MRS2: variants seen among roughly 807,000 people sequenced by gnomAD.
The protein encoded by MRS2 is magnesium transporter MRS2 homolog, mitochondrial.
Under a neutral mutation model 52.6 loss-of-function variants are expected in MRS2, and 40 were observed. The ratio of observed to expected loss-of-function variants is 0.76; its 90% CI spans 0.59 to 0.99. The LOEUF is 0.99. Ranked by LOEUF, MRS2 falls within the 50% of genes least tolerant of loss-of-function variation. The probability of loss-of-function intolerance (pLI) is 0.00; values close to 1 mark genes in which losing one functional copy is unlikely to be tolerated. For missense variants in MRS2, 472 were observed against 532.7 expected, an observed-to-expected ratio of 0.89 and a Z score of 1.12; for synonymous variants, 193 against 195.9, an observed-to-expected ratio of 0.98 and a Z score of 0.13.
At chr6:24,412,009 CTTGA>C (rs1189947275) in intron 4 of MRS2, among the ~76,000 whole-genome samples, 1 of 149,496 alleles carries the variant, frequency 6.7e-6, no homozygotes, top group Non-Finnish European at 1.5e-5. Flanking sequence ...AAAAAAAAAC[CTTGA>C]TTTTTTTGAA....
chr6:24,416,523 T>A lies in MRS2; in HGVS notation c.836+10T>A, dbSNP rs755039996. ...GTGACCCACAAGTCTTGTAAGTATA[T>A]AATTATACTTTGTTATTTATTTCCT... On this transcript the variant is annotated intron_variant, in intron 7 of 10. Transcript: ENST00000378386. 3 of 1,243,214 alleles carry A rather than the reference T, an allele frequency of 2.4e-6. No individual in the cohort carries two copies. The highest frequency in any genetic ancestry group is 3.8e-5 in the Admixed American group (2 of 52,014). The allele number at this position is 1,243,214 out of a possible 1,614,324, so 77.0% of individuals were successfully genotyped here.
In MRS2 at chr6:24,424,640, T is replaced by TCCTA. The variant is rs1357247087; in HGVS notation, c.*954_*957dup. 1 of 152,202 alleles carries TCCTA rather than the reference T, an allele frequency of 6.6e-6. No individual in the cohort carries two copies. Among genetic ancestry groups the TCCTA allele is most frequent in the Non-Finnish European group, 1.5e-5 (1 of 68,032 alleles). 9.4% of individuals were successfully genotyped at this position (152,202 alleles called of 1,614,324 possible). A position where few individuals can be genotyped will look rare whatever the true frequency, so the allele number is the denominator to read the frequency against. On this transcript the variant is annotated 3_prime_UTR_variant, in exon 11 of 11. Transcript: ENST00000378386. ...CTGAAAGCTGCCATCCTCTTTAACA[T>TCCTA]CCTACCTACCTTTTAAAATATTTTC...
At chr6:24,405,334 T>A (rs1265800566) in intron 2 of MRS2, 93 bp downstream of exon 2, 9 of 920,890 alleles carry the variant, frequency 9.8e-6, no homozygotes, top group Non-Finnish European at 1.6e-5. Flanking sequence ...CTACTTATTT[T>A]GAGCTTTATA....
intron 5 of MRS2, among the ~76,000 whole-genome samples, chr6:24,413,335 C>T (rs956634941): frequency 2.6e-5 from 4 of 152,090 alleles, no homozygotes; most frequent in African/African-American, 9.7e-5. Context: ...TTCAGGATGT[C>T]TGCTGGGATA....
intron 3 of MRS2, 79 bp from the exon 4 acceptor site, chr6:24,409,382 G>A: frequency 1.3e-6 from 1 of 742,812 alleles, no homozygotes; most frequent in South Asian, 2.4e-5. Context: ...CTTGATGGTG[G>A]TGGGAGGACT....
At position 24,416,502 on chromosome 6, in the gene MRS2, C is replaced by A. The variant is rs760573697; in HGVS notation, c.825C>A (p.Asp275Glu). Residue 275 changes from aspartate to glutamate, a missense_variant, in exon 7 of 11, where the codon GAC (aspartate) becomes GAA (glutamate). Physicochemically the swap from Asp to Glu is conservative, Grantham distance 45 (BLOSUM62 2). Coordinates refer to ENST00000378386, the MANE Select transcript of MRS2 (RefSeq NM_020662.4). ...LEELCVSKWS[D>E]PQVFEKSSAG... ...AGCTCTGTGTATCAAAATGGAGTGA[C>A]CCACAAGTCTTGTAAGTATATAATT... 1 of 1,515,282 alleles carries A rather than the reference C, an allele frequency of 6.6e-7. No homozygotes were observed. Among genetic ancestry groups the A allele is most frequent in the South Asian group, 1.1e-5 (1 of 87,690 alleles). The allele number at this position is 1,515,282 out of a possible 1,614,324, so 93.9% of individuals were successfully genotyped here.
intron 9 of MRS2, among the ~76,000 whole-genome samples, chr6:24,420,483 GT>G (rs1049454429): frequency 1.3e-5 from 2 of 152,210 alleles, no homozygotes; most frequent in Admixed American, 6.5e-5. Context: ...TCACAAATAC[GT>G]TTTTTTATTG....
Position 24,425,023 on chromosome 6 carries a change from G to A in MRS2, c.*1329G>A, listed in dbSNP as rs992964798. ...GAACAGGACAGGCTGGGCTAGACTC[G>A]AGCACGCAGTGGCCCCTGTGCCACC... On this transcript the variant is annotated 3_prime_UTR_variant, in exon 11 of 11. Transcript: ENST00000378386. 2.6e-5 allele frequency: 4 copies of A among 152,248 alleles called. No individual in the cohort carries two copies. Among genetic ancestry groups the A allele is most frequent in the Admixed American group, 6.5e-5 (1 of 15,284 alleles). The allele number at this position is 152,248 out of a possible 1,614,324, so 9.4% of individuals were successfully genotyped here. A position where few individuals can be genotyped will look rare whatever the true frequency, so the allele number is the denominator to read the frequency against.
At chr6:24,407,142 G>T (rs926669248) in intron 2 of MRS2, among the ~76,000 whole-genome samples, 1 of 151,982 alleles carries the variant, frequency 6.6e-6, no homozygotes, top group Non-Finnish European at 1.5e-5. Context: ...ATATTGACAT[G>T]GTTTTCTCTA....
intron 2 of MRS2, among the ~76,000 whole-genome samples, chr6:24,408,098 C>A (rs1761533950): frequency 6.6e-6 from 1 of 152,174 alleles, no homozygotes. Context: ...AGTCAATGGT[C>A]ATTTTTACCA....
intron 3 of MRS2, 91 bp from the exon 4 acceptor site, chr6:24,409,370 G>T (rs1473586540): frequency 1.6e-6 from 1 of 637,264 alleles, no homozygotes; most frequent in Non-Finnish European, 2.6e-6. Flanking sequence ...ACCAAAAATT[G>T]TCTTGATGGT....
rs762495279 is a variant in MRS2 at position 24,416,420 on chromosome 6, T to C, written c.743T>C (p.Ile248Thr). 3.2e-5 allele frequency: 50 copies of C among 1,540,766 alleles called. No homozygotes were observed. The highest frequency in any genetic ancestry group is 1.1e-4 in the South Asian group (10 of 89,066). Residue 248 changes from isoleucine (I) to threonine (T), a missense_variant, in exon 7 of 11, where the codon ATT (isoleucine) becomes ACT (threonine). Ile to Thr is a moderately conservative substitution (Grantham distance 89). Transcript: ENST00000378386. ...GKSLSELETD[I>T]KIFKESILEI... ...AGTCTATCAGAGTTAGAAACAGATA[T>C]TAAAATTTTCAAAGAGTCAATTTTG...
intron 3 of MRS2, 125 bp from the exon 4 acceptor site, chr6:24,409,335 AT>A (rs1332314027): frequency 1.1e-5 from 6 of 545,334 alleles, no homozygotes; most frequent in African/African-American, 1.9e-5. Flanking sequence ...AAAAGACTTA[AT>A]TTTAGTTTTT....
chr6:24,419,885 A>G (rs1321820), intron 9 of MRS2, among the ~76,000 whole-genome samples: 37,715 of 152,050 alleles, frequency 0.25, 5,017 homozygotes, highest in East Asian at 0.47. Context: ...AGAATAGCTT[A>G]TTGTAAGTTT....
rs780852452 is a variant in MRS2 at position 24,416,396 on chromosome 6, G to GT, written c.720dup (p.Leu241SerfsTer9). On this transcript the variant is annotated frameshift_variant and splice_region_variant. Coordinates refer to ENST00000378386, the MANE Select transcript of MRS2 (RefSeq NM_020662.4). LOFTEE classifies it high-confidence loss of function. ...CATTTTTGTGTATCTATTTCTTATAGTCTATCAGAGTTAGAAACAGATATT... is the reference window on the plus strand; with the variant it reads ...CATTTTTGTGTATCTATTTCTTATAGTTCTATCAGAGTTAGAAACAGATATT... 1 of 1,205,326 alleles carries GT rather than the reference G, an allele frequency of 8.3e-7. No individual in the cohort carries two copies. Among genetic ancestry groups the GT allele is most frequent in the East Asian group, 2.3e-5 (1 of 42,946 alleles). The allele number at this position is 1,205,326 out of a possible 1,614,324, so 74.7% of individuals were successfully genotyped here.
intron 1 of MRS2, among the ~76,000 whole-genome samples, chr6:24,404,213 C>T (rs1761385189): frequency 6.6e-6 from 1 of 152,064 alleles, no homozygotes; most frequent in South Asian, 2.1e-4. Context: ...ATTGATAATG[C>T]TTGGGAATCC....
intron 2 of MRS2, among the ~76,000 whole-genome samples, chr6:24,406,960 T>A (rs1283619662): frequency 6.6e-6 from 1 of 152,106 alleles, no homozygotes; most frequent in African/African-American, 2.4e-5. Flanking sequence ...TCTTTATAAT[T>A]TGTATGATTT....
chr6:24,409,725 T>G, intron 4 of MRS2, 152 bp downstream of exon 4: 1 of 569,824 alleles, frequency 1.8e-6, no homozygotes, highest in South Asian at 2.4e-5. Context: ...TATGCTATTA[T>G]GAGTAGAACT....
intron 7 of MRS2, among the ~76,000 whole-genome samples, chr6:24,417,539 TAC>T (rs1455001122): frequency 6.6e-6 from 1 of 152,372 alleles, no homozygotes; most frequent in East Asian, 1.9e-4. Flanking sequence ...GGCCATGTAA[TAC>T]AGTGACACCA....
Sources: allele counts gnomAD v4.1 joint callset (sites outside exome capture counted in the v4.1 genomes callset), GRCh38; gene constraint gnomAD v4.1.1; transcripts MANE v1.5; gene names NCBI Gene and HGNC (gene_info 2026-07-23, HGNC 2026-07-21).